The following TRHDE variants were observed in gnomAD, a reference collection of about 807,000 sequenced individuals.
TRHDE encodes thyrotropin-releasing hormone-degrading ectoenzyme.
In TRHDE, 72 loss-of-function variants were observed where a neutral mutation model predicts 125.7. That is an observed-to-expected ratio of 0.57 (90% CI 0.47 to 0.70). The LOEUF (loss-of-function observed/expected upper bound fraction) is 0.70. TRHDE is among the 30% of genes least tolerant of loss of function. TRHDE has a pLI of 0.00. For synonymous variants in TRHDE, 509 were observed against 509.1 expected, an observed-to-expected ratio of 1.00 and a Z score of 0.00; for missense variants, 1,110 against 1,327.1, an observed-to-expected ratio of 0.84 and a Z score of 2.54.
chr12:72,534,678 AAATT>A (rs1353116346), intron 6 of TRHDE, among the ~76,000 whole-genome samples: 5 of 152,146 alleles, frequency 3.3e-5, no homozygotes, highest in Non-Finnish European at 7.3e-5. Context: ...TGAATAATTT[AAATT>A]AATTCTAAGA....
intron 3 of TRHDE, among the ~76,000 whole-genome samples, chr12:72,432,946 G>C (rs554752671): frequency 1.2e-4 from 18 of 152,152 alleles, no homozygotes. Context: ...GATAGGTGGA[G>C]GTTTTTCATA....
At chr12:72,581,533 G>A (rs1168085030) in intron 12 of TRHDE, among the ~76,000 whole-genome samples, 1 of 152,060 alleles carries the variant, frequency 6.6e-6, no homozygotes, top group African/African-American at 2.4e-5. Flanking sequence ...TTAGTCACCA[G>A]TTTCCTGGAA....
At chr12:72,317,603 G>C (rs998173007) in intron 2 of TRHDE, among the ~76,000 whole-genome samples, 1 of 152,172 alleles carries the variant, frequency 6.6e-6, no homozygotes, top group African/African-American at 2.4e-5. Flanking sequence ...ATTCATGAAG[G>C]CTCCCAATTA....
chr12:72,348,858 T>C (rs1870451788), intron 2 of TRHDE, among the ~76,000 whole-genome samples: 1 of 152,052 alleles, frequency 6.6e-6, no homozygotes, highest in Non-Finnish European at 1.5e-5. Flanking sequence ...GTTTTTACAT[T>C]TTCTCTGAGT....
chr12:72,272,673 A>C lies in TRHDE; in HGVS notation c.30A>C (p.Gln10His). The change falls in exon 1 of 19, where the codon CAA becomes CAC. Residue 10 changes from glutamine (Q) to histidine (H), a missense_variant. Physicochemically the swap from Gln to His is conservative, Grantham distance 24. This residue lies in a region of TRHDE where 248 missense variants were observed against 240.8 expected (regional missense o/e 1.03). Coordinates refer to ENST00000261180, the MANE Select transcript of TRHDE (RefSeq NM_013381.3). The surrounding 1 kb of genome is among the most constrained non-coding windows in gnomAD (Gnocchi z 6.7). ...CCCTGGACGGCGAGCTGGGGGAGCA[A>C]GAGGAGGAGAAGAAAAAGAAGAAGA... MALDGELGE[Q>H]EEEKKKKKKK... The C allele has an allele frequency of 5.6e-6, 7 of 1,257,548 alleles. No homozygotes were observed. Among genetic ancestry groups the C allele is most frequent in the Non-Finnish European group, 5.3e-6 (5 of 942,844 alleles). 77.9% of individuals were successfully genotyped at this position (1,257,548 alleles called of 1,614,324 possible).
intron 3 of TRHDE, among the ~76,000 whole-genome samples, chr12:72,378,616 C>T (rs1031730701): frequency 6.6e-6 from 1 of 152,126 alleles, no homozygotes; most frequent in East Asian, 1.9e-4. Context: ...TTTGTTTCTC[C>T]TTCCAAATTT....
intron 15 of TRHDE, among the ~76,000 whole-genome samples, chr12:72,635,242 T>A (rs372868693): frequency 1.3e-5 from 2 of 151,920 alleles, no homozygotes; most frequent in African/African-American, 2.4e-5. Flanking sequence ...TTGCATTTCT[T>A]TGATGGCCAG....
At chr12:72,228,894 C>T (rs1298679935) in intron 2 of TRHDE, among the ~76,000 whole-genome samples, 1 of 152,208 alleles carries the variant, frequency 6.6e-6, no homozygotes, top group Non-Finnish European at 1.5e-5. Context: ...ACCTTTTCTC[C>T]AGTTCCCAAC....
Position 72,499,192 on chromosome 12 carries a change from G to A in TRHDE, c.1585-306G>A, listed in dbSNP as rs144530940. 1.1e-4 allele frequency among the ~76,000 whole-genome samples: 17 copies of A among 152,208 alleles called. No individual in the cohort carries two copies. In the East Asian group the frequency reaches 3.3e-3, roughly 29 times the overall value. On this transcript the variant is annotated intron_variant, in intron 5 of 18. Coordinates refer to ENST00000261180, the MANE Select transcript of TRHDE (RefSeq NM_013381.3). ...ACAAATAAGTCTGCATCTTCTCATT[G>A]TTGTTATTGCCTGCCCATTGTCCAC...
chr12:72,243,776 A>G (rs1878525138), intron 2 of TRHDE, among the ~76,000 whole-genome samples: 1 of 152,212 alleles, frequency 6.6e-6, no homozygotes, highest in Non-Finnish European at 1.5e-5. Flanking sequence ...CTTCACTTTT[A>G]AAGCCTTCAT....
chr12:72,650,887 A>G (rs529963317), intron 15 of TRHDE, among the ~76,000 whole-genome samples: 11 of 152,202 alleles, frequency 7.2e-5, no homozygotes, highest in African/African-American at 2.2e-4. Context: ...ATGTGGTGGC[A>G]ATGCCTTTAG....
intron 2 of TRHDE, among the ~76,000 whole-genome samples, chr12:72,375,385 T>A (rs1871830373): frequency 6.6e-6 from 1 of 152,224 alleles, no homozygotes; most frequent in Non-Finnish European, 1.5e-5. Flanking sequence ...ATATGTTTTA[T>A]CTTCTTGCTT....
intron 12 of TRHDE, among the ~76,000 whole-genome samples, chr12:72,616,848 G>C (rs901330163): frequency 6.6e-6 from 1 of 151,968 alleles, no homozygotes; most frequent in African/African-American, 2.4e-5. Flanking sequence ...TGTATAAAGA[G>C]AAGGTGAATA....
chr12:72,662,539 AC>A, intron 18 of TRHDE, among the ~76,000 whole-genome samples: 1 of 152,196 alleles, frequency 6.6e-6, no homozygotes, highest in East Asian at 1.9e-4. Flanking sequence ...ACTAGACAAT[AC>A]TTTGGTTATT....
chr12:72,258,702 G>A (rs1222303859), intron 2 of TRHDE, among the ~76,000 whole-genome samples: 1 of 152,110 alleles, frequency 6.6e-6, no homozygotes, highest in Non-Finnish European at 1.5e-5. Flanking sequence ...AGGAGAAGAC[G>A]TTACACTCCA....
At chr12:72,372,038 T>A (rs1871621393) in intron 2 of TRHDE, among the ~76,000 whole-genome samples, 1 of 152,168 alleles carries the variant, frequency 6.6e-6, no homozygotes, top group Admixed American at 6.5e-5. Context: ...TTTCTCCACA[T>A]CCTCTCCAGC....
intron 3 of TRHDE, among the ~76,000 whole-genome samples, chr12:72,458,337 T>C (rs1292914049): frequency 6.6e-6 from 1 of 152,140 alleles, no homozygotes; most frequent in African/African-American, 2.4e-5. Flanking sequence ...TGTGGATGGA[T>C]CACTACTCTT....
intron 2 of TRHDE, among the ~76,000 whole-genome samples, chr12:72,208,647 A>G (rs554608289): frequency 1.3e-5 from 2 of 152,332 alleles, no homozygotes; most frequent in African/African-American, 4.8e-5. Flanking sequence ...TGGGAATAAT[A>G]ATAGTATCTA....
intron 3 of TRHDE, among the ~76,000 whole-genome samples, chr12:72,462,177 A>G (rs1876154805): frequency 6.6e-6 from 1 of 152,216 alleles, no homozygotes; most frequent in Non-Finnish European, 1.5e-5. Flanking sequence ...CTGCTAGAGT[A>G]CAGCCTGGTG....
Sources: gnomAD v4.1 joint callset for allele counts (sites outside exome capture counted in the v4.1 genomes callset) on GRCh38, gnomAD v4.1.1 for gene constraint, gnomAD v4.1.1 regional missense constraint, Gnocchi (gnomAD v3.1) non-coding constraint, MANE v1.5 for transcripts, NCBI Gene and HGNC (gene_info 2026-07-23, HGNC 2026-07-21) for gene names.